CADM2: variants seen among roughly 807,000 people sequenced by gnomAD.
CADM2 encodes the protein immunoglobulin superfamily member 4D.
Under a neutral mutation model 49.8 loss-of-function variants are expected in CADM2, and 12 were observed. The observed-to-expected ratio is 0.24, with a 90% confidence interval of 0.15 to 0.39. CADM2 has a LOEUF of 0.39. Ranked by LOEUF, CADM2 falls within the 10% of genes least tolerant of loss-of-function variation. CADM2 has a pLI of 1.00. For missense variants in CADM2, 378 were observed against 492.3 expected, an observed-to-expected ratio of 0.77 and a Z score of 2.20; for synonymous variants, 214 against 175.4, an observed-to-expected ratio of 1.22 and a Z score of -1.74.
intron 8 of CADM2, among the ~76,000 whole-genome samples, chr3:85,982,519 T>C (rs1454969694): frequency 6.6e-6 from 1 of 151,688 alleles, no homozygotes; most frequent in Non-Finnish European, 1.5e-5. Context: ...AATTTTAATG[T>C]TAGCCTAACG....
At chr3:85,949,164 C>A (rs1429898954) in intron 7 of CADM2, among the ~76,000 whole-genome samples, 1 of 150,898 alleles carries the variant, frequency 6.6e-6, no homozygotes, top group Non-Finnish European at 1.5e-5. Flanking sequence ...CAAATTGTGG[C>A]TTATTAATGA....
At chr3:85,212,225 G>A (rs937935927) in intron 1 of CADM2, among the ~76,000 whole-genome samples, 2 of 151,566 alleles carry the variant, frequency 1.3e-5, no homozygotes, top group Admixed American at 6.6e-5. Flanking sequence ...TAATATATTC[G>A]GCCACCCTAA....
intron 1 of CADM2, among the ~76,000 whole-genome samples, chr3:84,966,432 CATT>C (rs1177830886): frequency 6.6e-6 from 1 of 151,858 alleles, no homozygotes; most frequent in Admixed American, 6.6e-5. Flanking sequence ...TGTTTTTACT[CATT>C]GTGTTCTTTT....
At chr3:85,521,628 CTTAA>C (rs1413816818) in intron 1 of CADM2, among the ~76,000 whole-genome samples, 1 of 152,044 alleles carries the variant, frequency 6.6e-6, no homozygotes, top group Admixed American at 6.6e-5. Flanking sequence ...TTTAAAGCCC[CTTAA>C]TTATTATTTA....
At chr3:85,491,737 G>A (rs1409491163) in intron 1 of CADM2, among the ~76,000 whole-genome samples, 1 of 151,942 alleles carries the variant, frequency 6.6e-6, no homozygotes, top group Non-Finnish European at 1.5e-5. Flanking sequence ...AGATCACGAG[G>A]TCAGGAGATC....
At position 85,862,483 on chromosome 3, in the gene CADM2, G is replaced by A. The variant is rs1002432202; in HGVS notation, c.239-20808G>A. Among the ~76,000 whole-genome samples the A allele has an allele frequency of 3.9e-5, 6 of 152,066 alleles. No individual in the cohort carries two copies. In the South Asian group the frequency reaches 6.2e-4, roughly 16 times the overall value. ...AGAATATTTCTGAGCTTGTGCCAAC[G>A]TAGTCTACATTGTGAGCAATGGTGA... On this transcript the variant is annotated intron_variant, in intron 3 of 9. Transcript: ENST00000383699.
chr3:85,779,162 G>C (rs543444702), intron 2 of CADM2, among the ~76,000 whole-genome samples: 4 of 151,280 alleles, frequency 2.6e-5, no homozygotes, highest in African/African-American at 7.3e-5. Context: ...GCATATTTTT[G>C]GTCAAAGGAG....
chr3:85,926,276 G>T (rs184029101), intron 6 of CADM2, among the ~76,000 whole-genome samples: 6 of 152,074 alleles, frequency 3.9e-5, no homozygotes, highest in African/African-American at 1.4e-4. Context: ...GGCTGGTGTG[G>T]GGCTGTCCTA....
intron 1 of CADM2, among the ~76,000 whole-genome samples, chr3:85,671,188 T>C (rs762917747): frequency 6.6e-6 from 1 of 152,182 alleles, no homozygotes; most frequent in Non-Finnish European, 1.5e-5. Context: ...TTTTTTCTTC[T>C]TTACACTTAT....
chr3:85,837,807 A>G (rs2074472416), intron 3 of CADM2, among the ~76,000 whole-genome samples: 1 of 151,814 alleles, frequency 6.6e-6, no homozygotes, highest in Non-Finnish European at 1.5e-5. Flanking sequence ...ACTGTAAGAT[A>G]AAAATTATAA....
At chr3:85,578,109 C>G (rs1284691821) in intron 1 of CADM2, among the ~76,000 whole-genome samples, 1 of 151,154 alleles carries the variant, frequency 6.6e-6, no homozygotes, top group East Asian at 2.0e-4. Context: ...GAGTTTCACT[C>G]TTTCACCCAG....
In CADM2 at chr3:85,802,164, C is replaced by T; in HGVS notation, c.206C>T (p.Ala69Val). The change falls in exon 3 of 10, where the codon GCT (alanine) becomes GTT (valine). Residue 69 changes from alanine (A) to valine (V), a missense_variant. Transcript: ENST00000383699. ...ACCTCCCTCCAGTGGTCAAATCCAG[C>T]TCAACAGACTCTGTACTTTGACGAC... ...DNTSLQWSNP[A>V]QQTLYFDDKK... 2 of 1,612,666 alleles carry T rather than the reference C, an allele frequency of 1.2e-6. No homozygotes were observed. The highest frequency in any genetic ancestry group is 1.7e-6 in the Non-Finnish European group (2 of 1,179,230).
At chr3:85,121,778 C>T (rs1206018229) in intron 1 of CADM2, among the ~76,000 whole-genome samples, 1 of 152,018 alleles carries the variant, frequency 6.6e-6, no homozygotes, top group Non-Finnish European at 1.5e-5. Flanking sequence ...TAGTCATTTA[C>T]CTATCTTCTT....
intron 3 of CADM2, among the ~76,000 whole-genome samples, chr3:85,871,621 T>C (rs1250954902): frequency 6.6e-6 from 1 of 152,146 alleles, no homozygotes; most frequent in African/African-American, 2.4e-5. Flanking sequence ...ATTGTGAAGA[T>C]AAAAGGTAGA....
chr3:86,014,241 A>G (rs9847210), intron 8 of CADM2: 274,381 of 1,306,142 alleles, frequency 0.21, 32,938 homozygotes, highest in African/African-American at 0.47. Context: ...CAGAGCATTT[A>G]TACTCTGCAG....
intron 1 of CADM2, among the ~76,000 whole-genome samples, chr3:85,621,338 G>C (rs2063971449): frequency 6.6e-6 from 1 of 151,944 alleles, no homozygotes; most frequent in Non-Finnish European, 1.5e-5. Flanking sequence ...TTAAATAAAA[G>C]ACAATAATAT....
intron 1 of CADM2, among the ~76,000 whole-genome samples, chr3:85,133,509 A>G (rs1480013034): frequency 6.6e-6 from 1 of 152,130 alleles, no homozygotes; most frequent in Non-Finnish European, 1.5e-5. Context: ...AGCTAGACAC[A>G]GGGTGCTGAC....
At chr3:85,920,129 A>T (rs1281426532) in intron 6 of CADM2, among the ~76,000 whole-genome samples, 1 of 151,822 alleles carries the variant, frequency 6.6e-6, no homozygotes, top group Non-Finnish European at 1.5e-5. Flanking sequence ...TCTACATATT[A>T]TATATTAAGT....
intron 2 of CADM2, among the ~76,000 whole-genome samples, chr3:85,793,451 T>C (rs1222959244): frequency 6.6e-6 from 1 of 152,098 alleles, no homozygotes; most frequent in East Asian, 1.9e-4. Flanking sequence ...AAGCTAAAAA[T>C]ACGCACAGAA....
Sources: allele counts gnomAD v4.1 joint callset (sites outside exome capture counted in the v4.1 genomes callset), GRCh38; gene constraint gnomAD v4.1.1; transcripts MANE v1.5; gene names NCBI Gene and HGNC (gene_info 2026-07-23, HGNC 2026-07-21).